Variants in RANBP2 observed in about 807,000 individuals in gnomAD.
The protein encoded by RANBP2 is RAN binding protein 2, also known as E3 SUMO-protein ligase RanBP2.
Under a neutral mutation model 303.6 loss-of-function variants are expected in RANBP2, and 57 were observed. That is an observed-to-expected ratio of 0.19 (90% CI 0.15 to 0.23). The LOEUF (loss-of-function observed/expected upper bound fraction) is 0.23, where lower values mean the gene tolerates loss of function less well. Ranked by LOEUF, RANBP2 falls within the 10% of genes least tolerant of loss-of-function variation. The probability of loss-of-function intolerance (pLI) is 1.00; values close to 1 mark genes in which losing one functional copy is unlikely to be tolerated. For synonymous variants in RANBP2, 1,167 were observed against 1,301.5 expected, an observed-to-expected ratio of 0.90 and a Z score of 2.23; for missense variants, 3,138 against 3,780.8, an observed-to-expected ratio of 0.83 and a Z score of 4.46.
chr2:108,766,850 C>T lies in RANBP2; in HGVS notation c.6311C>T (p.Ala2104Val), dbSNP rs1677155123. The T allele has an allele frequency of 6.2e-7, 1 of 1,611,610 alleles. No homozygotes were observed. Among genetic ancestry groups the T allele is most frequent in the Admixed American group, 1.7e-5 (1 of 59,998 alleles). The part of the protein sequence containing the change: ...NLKPLSGSDR[A>V]WMWLASDFSD... ...AAGCCTCTCTCTGGATCAGATAGAGCATGGATGTGGTTAGCCAGTGATTTC... is the reference window on the plus strand; with the variant it reads ...AAGCCTCTCTCTGGATCAGATAGAGTATGGATGTGGTTAGCCAGTGATTTC... The change falls in exon 20 of 29, where the codon GCA becomes GTA. Residue 2104 changes from alanine (A) to valine (V), a missense_variant. By Grantham distance (64) the Ala-to-Val change is moderately conservative (BLOSUM62 0). Coordinates refer to ENST00000283195, the MANE Select transcript of RANBP2 (RefSeq NM_006267.5).
chr2:109,481,661 T>C, the RANBP2 span, among the ~76,000 whole-genome samples: 5 of 152,154 alleles, frequency 3.3e-5, no homozygotes, highest in African/African-American at 1.2e-4. Context: ...GGGCTGGACA[T>C]GTGGATGGAG....
the RANBP2 span, among the ~76,000 whole-genome samples, chr2:109,621,641 C>T: frequency 1.3e-5 from 2 of 151,924 alleles, no homozygotes; most frequent in Non-Finnish European, 2.9e-5. Flanking sequence ...TGGCCAGGTG[C>T]GGTGGCCTAC....
At chr2:108,761,514 C>G (rs889542110) in intron 18 of RANBP2, among the ~76,000 whole-genome samples, 1 of 152,152 alleles carries the variant, frequency 6.6e-6, no homozygotes, top group Admixed American at 6.5e-5. Flanking sequence ...GTAAAACACA[C>G]AAAACAGAGG....
At chr2:108,776,189 G>A (rs1195808433) in intron 24 of RANBP2, among the ~76,000 whole-genome samples, 1 of 152,070 alleles carries the variant, frequency 6.6e-6, no homozygotes, top group Non-Finnish European at 1.5e-5. Flanking sequence ...ATTTTCCTGA[G>A]TTTAAAAGAC....
the RANBP2 span, chr2:109,667,078 T>C: frequency 1.3e-6 from 1 of 755,346 alleles, no homozygotes; most frequent in Non-Finnish European, 2.2e-6. Flanking sequence ...GGGTTTCAAA[T>C]ACACATAGAT....
chr2:109,430,511 A>G, the RANBP2 span, among the ~76,000 whole-genome samples: 2 of 136,764 alleles, frequency 1.5e-5, no homozygotes, highest in South Asian at 2.4e-4. Flanking sequence ...TCCTCTCCCC[A>G]TCTCCTCCTC....
the RANBP2 span, among the ~76,000 whole-genome samples, chr2:109,541,624 G>A: frequency 2.0e-5 from 3 of 152,100 alleles, no homozygotes; most frequent in South Asian, 2.1e-4. Flanking sequence ...GGCCCTTACC[G>A]GAGCCCCACT....
At chr2:108,942,864 C>T in the RANBP2 span, among the ~76,000 whole-genome samples, 1 of 152,174 alleles carries the variant, frequency 6.6e-6, no homozygotes, top group African/African-American at 2.4e-5. Context: ...TAAGTTTGAG[C>T]GGGTAGGATT....
At chr2:109,044,146 C>A in the RANBP2 span, among the ~76,000 whole-genome samples, 1 of 152,176 alleles carries the variant, frequency 6.6e-6, no homozygotes, top group Non-Finnish European at 1.5e-5. Flanking sequence ...TAGAATTATT[C>A]TATCCCTAAA....
chr2:109,632,637 A>G, the RANBP2 span, among the ~76,000 whole-genome samples: 55,074 of 151,986 alleles, frequency 0.36, 11,703 homozygotes, highest in Middle Eastern at 0.57. Context: ...TATGGTGTTT[A>G]GTAGAAACCC....
chr2:108,755,119 A>G (rs1204697805), intron 16 of RANBP2, 35 bp downstream of exon 16: 10 of 1,611,824 alleles, frequency 6.2e-6, no homozygotes, highest in Non-Finnish European at 6.8e-6. Flanking sequence ...TTCATTGTGA[A>G]ATTGTTTCTG....
the RANBP2 span, among the ~76,000 whole-genome samples, chr2:109,095,789 A>T: frequency 6.6e-6 from 1 of 152,252 alleles, no homozygotes; most frequent in Non-Finnish European, 1.5e-5. Flanking sequence ...GATTTATAAA[A>T]TTTTATTTAA....
the RANBP2 span, among the ~76,000 whole-genome samples, chr2:108,981,931 T>C: frequency 6.6e-6 from 1 of 152,240 alleles, no homozygotes; most frequent in Non-Finnish European, 1.5e-5. Context: ...GTGGGTTTCT[T>C]CAACATTTAT....
chr2:109,271,944 G>A, the RANBP2 span, among the ~76,000 whole-genome samples: 4 of 152,346 alleles, frequency 2.6e-5, no homozygotes, highest in South Asian at 6.2e-4. Context: ...TCCTTTGTGT[G>A]TGTTCTTTCA....
the RANBP2 span, among the ~76,000 whole-genome samples, chr2:108,974,153 C>T: frequency 2.0e-5 from 3 of 150,686 alleles, no homozygotes; most frequent in South Asian, 4.2e-4. Context: ...CATGGTGAAA[C>T]CCCGTCTCTA....
chr2:109,530,664 T>C, the RANBP2 span, among the ~76,000 whole-genome samples: 1 of 152,252 alleles, frequency 6.6e-6, no homozygotes, highest in Non-Finnish European at 1.5e-5. Flanking sequence ...TGGGTGTACC[T>C]TTCTGTGTGC....
At position 108,767,412 on chromosome 2, in the gene RANBP2, T is replaced by G; in HGVS notation, c.6873T>G (p.Val2291=). 4 of 1,611,968 alleles carry G rather than the reference T, an allele frequency of 2.5e-6. No homozygotes were observed. The highest frequency in any genetic ancestry group is 3.4e-6 in the Non-Finnish European group (4 of 1,179,846). The part of the protein sequence containing the change: ...PAKLNQSGTS[V]GTDEESDVTQ... ...AGTTGAATCAGAGTGGGACTTCAGT[T>G]GGCACTGATGAAGAATCTGATGTTA... The change falls in exon 20 of 29, where the codon GTT becomes GTG. Residue 2291 remains valine (V), a synonymous_variant. Coordinates refer to ENST00000283195, the MANE Select transcript of RANBP2 (RefSeq NM_006267.5).
chr2:109,179,880 T>C, the RANBP2 span, among the ~76,000 whole-genome samples: 4 of 152,186 alleles, frequency 2.6e-5, no homozygotes, highest in Admixed American at 1.3e-4. Flanking sequence ...GTGCTCCTTA[T>C]CGCAGGAAAA....
chr2:109,443,002 G>A, the RANBP2 span, among the ~76,000 whole-genome samples: 1 of 152,154 alleles, frequency 6.6e-6, no homozygotes, highest in Non-Finnish European at 1.5e-5. Context: ...ACATAAATAA[G>A]CTAAAAGTGA....
Sources: allele counts gnomAD v4.1 joint callset (sites outside exome capture counted in the v4.1 genomes callset), GRCh38; gene constraint gnomAD v4.1.1; transcripts MANE v1.5; gene names NCBI Gene and HGNC (gene_info 2026-07-23, HGNC 2026-07-21).